Variants in C12orf42 observed in about 807,000 individuals in gnomAD.
C12orf42 encodes uncharacterized protein C12orf42.
A neutral mutation model predicts 21.6 loss-of-function variants in C12orf42; 25 were observed. That is an observed-to-expected ratio of 1.16 (90% CI 0.84 to 1.62). The LOEUF is 1.62. Among genes scored for constraint, C12orf42 ranks in the 40% most tolerant of loss-of-function variants. The pLI is 0.00. For missense variants in C12orf42, 483 were observed against 459.3 expected (o/e 1.05, Z -0.47); for synonymous variants, 174 against 175.0 (o/e 0.99, Z 0.05).
chr12:103,286,028 T>C (rs931614989), intron 4 of C12orf42, among the ~76,000 whole-genome samples: 1 of 151,944 alleles, frequency 6.6e-6, no homozygotes, highest in Non-Finnish European at 1.5e-5. Context: ...GCAGGCGGAT[T>C]GCAAGGTCAG....
chr12:103,236,826 C>G (rs2033482939), downstream of C12orf42, among the ~76,000 whole-genome samples: 1 of 152,074 alleles, frequency 6.6e-6, no homozygotes, highest in Admixed American at 6.6e-5. Context: ...AATTAAATCA[C>G]CATTTCATGA....
At chr12:103,199,667 A>ACCC in the C12orf42 span, among the ~76,000 whole-genome samples, 1 of 152,184 alleles carries the variant, frequency 6.6e-6, no homozygotes, top group East Asian at 1.9e-4. Flanking sequence ...TTAATAAACA[A>ACCC]ACATTTCTCT....
the C12orf42 span, among the ~76,000 whole-genome samples, chr12:103,191,385 G>A: frequency 6.6e-6 from 1 of 151,642 alleles, no homozygotes; most frequent in East Asian, 1.9e-4. Context: ...TAATGGTGGT[G>A]CATGAACCAC....
intron 3 of C12orf42, among the ~76,000 whole-genome samples, chr12:103,391,068 G>A (rs756676105): frequency 3.0e-4 from 46 of 152,164 alleles, no homozygotes; most frequent in Non-Finnish European, 5.3e-4. Context: ...TTGCTCTTTC[G>A]TGTCTGGTTT....
chr12:103,502,855 C>T, the C12orf42 span, among the ~76,000 whole-genome samples: 1 of 152,110 alleles, frequency 6.6e-6, no homozygotes, highest in Non-Finnish European at 1.5e-5. Flanking sequence ...GAATGGTAGG[C>T]ATGTTGAGGT....
At chr12:103,388,812 A>G (rs1027393877) in intron 3 of C12orf42, among the ~76,000 whole-genome samples, 2 of 152,206 alleles carry the variant, frequency 1.3e-5, no homozygotes, top group African/African-American at 4.8e-5. Flanking sequence ...GTCAAAACCT[A>G]CAGTGTTCTC....
intron 4 of C12orf42, among the ~76,000 whole-genome samples, chr12:103,350,963 C>T (rs938378277): frequency 6.6e-6 from 1 of 151,994 alleles, no homozygotes; most frequent in African/African-American, 2.4e-5. Context: ...CCTTGCTTTT[C>T]AGATCCAGGT....
At chr12:103,410,846 A>T (rs529894301) in intron 2 of C12orf42, among the ~76,000 whole-genome samples, 1 of 152,298 alleles carries the variant, frequency 6.6e-6, no homozygotes, top group Admixed American at 6.5e-5. Context: ...AGCCAGCCAT[A>T]AGGAAAGCGG....
chr12:103,191,049 A>G, the C12orf42 span, among the ~76,000 whole-genome samples: 1 of 152,188 alleles, frequency 6.6e-6, no homozygotes, highest in Admixed American at 6.5e-5. Context: ...TCTTCATAAG[A>G]CTATCAGTAG....
the C12orf42 span, among the ~76,000 whole-genome samples, chr12:103,103,158 A>G: frequency 6.6e-6 from 1 of 152,222 alleles, no homozygotes; most frequent in Admixed American, 6.5e-5. Context: ...CAAGGGAGCC[A>G]TCATATCCAT....
the C12orf42 span, among the ~76,000 whole-genome samples, chr12:103,547,209 C>T: frequency 6.6e-6 from 1 of 152,198 alleles, no homozygotes; most frequent in Non-Finnish European, 1.5e-5. Flanking sequence ...TAGTCACTGG[C>T]TACATAATGG....
intron 3 of C12orf42, among the ~76,000 whole-genome samples, chr12:103,382,985 C>T (rs574760759): frequency 6.6e-6 from 1 of 152,284 alleles, no homozygotes; most frequent in South Asian, 2.1e-4. Flanking sequence ...TCTTCAAAGA[C>T]CAGTCAAGAT....
chr12:103,236,302 A>T (rs371808162), downstream of C12orf42, among the ~76,000 whole-genome samples: 19 of 152,310 alleles, frequency 1.2e-4, no homozygotes, highest in South Asian at 3.7e-3. Flanking sequence ...TGCCAGATGA[A>T]TAAATTCTTT....
chr12:103,500,448 G>A (rs182941907), upstream of C12orf42, among the ~76,000 whole-genome samples: 1 of 152,266 alleles, frequency 6.6e-6, no homozygotes, highest in Admixed American at 6.5e-5. Flanking sequence ...AGCCCCTCCT[G>A]GGTAGAAGGC....
the C12orf42 span, among the ~76,000 whole-genome samples, chr12:103,130,572 C>T: frequency 2.0e-5 from 3 of 152,032 alleles, no homozygotes; most frequent in Non-Finnish European, 4.4e-5. Context: ...GGTTAGTGTG[C>T]AGGTCATTCA....
At chr12:103,091,790 C>G in the C12orf42 span, among the ~76,000 whole-genome samples, 1 of 152,120 alleles carries the variant, frequency 6.6e-6, no homozygotes, top group Non-Finnish European at 1.5e-5. Context: ...TTGAAATCAC[C>G]TTTTTTTCCA....
chr12:103,461,758 G>A (rs528311224), intron 2 of C12orf42, among the ~76,000 whole-genome samples: 1 of 152,242 alleles, frequency 6.6e-6, no homozygotes, highest in East Asian at 1.9e-4. Flanking sequence ...TGCACATCAA[G>A]TATCCGATAC....
chr12:103,478,383 A>C lies in C12orf42; in HGVS notation c.44T>G (p.Leu15Trp). The change falls in exon 2 of 6, where the codon TTG becomes TGG. Residue 15 changes from leucine to tryptophan, a missense_variant. Physicochemically the swap from Leu to Trp is moderately conservative, Grantham distance 61. Coordinates refer to ENST00000548883, the MANE Select transcript of C12orf42 (RefSeq NM_198521.5). ...GTTTGCAAAAGGTCTGATGGTTAGC[A>C]AGAATTCTTCTTCCCTTTGTTTCAT... ...ICMKQREEEF[L>W]LTIRPFANRM... The C allele has an allele frequency of 6.2e-7, 1 of 1,605,256 alleles. No individual in the cohort carries two copies. The highest frequency in any genetic ancestry group is 8.5e-7 in the Non-Finnish European group (1 of 1,174,566).
At chr12:103,094,694 TA>T in the C12orf42 span, among the ~76,000 whole-genome samples, 1 of 152,220 alleles carries the variant, frequency 6.6e-6, no homozygotes, top group African/African-American at 2.4e-5. Flanking sequence ...GATTCCTCTT[TA>T]AATCATCTAG....
Sources: gnomAD v4.1 joint callset for allele counts (sites outside exome capture counted in the v4.1 genomes callset) on GRCh38, gnomAD v4.1.1 for gene constraint, MANE v1.5 for transcripts, NCBI Gene and HGNC (gene_info 2026-07-23, HGNC 2026-07-21) for gene names.